IL1B: variants seen among roughly 807,000 people sequenced by gnomAD.
The protein encoded by IL1B is interleukin-1 beta.
IL1B carries 11 observed loss-of-function variants against 26.2 expected under a neutral mutation model. That is an observed-to-expected ratio of 0.42 (90% confidence interval 0.26 to 0.70). The LOEUF (loss-of-function observed/expected upper bound fraction) is 0.70, where lower values mean the gene tolerates loss of function less well. Ranked by LOEUF, IL1B falls within the 30% of genes least tolerant of loss-of-function variation. The pLI is 0.25. For synonymous variants in IL1B, 118 were observed against 120.8 expected, an observed-to-expected ratio of 0.98 and a Z score of 0.15; for missense variants, 255 against 327.5, an observed-to-expected ratio of 0.78 and a Z score of 1.71.
chr2:112,833,014 G>C (rs1037285782), intron 4 of IL1B, 188 bp from the exon 5 acceptor site: 8 of 660,964 alleles, frequency 1.2e-5, no homozygotes, highest in Middle Eastern at 8.0e-4. Flanking sequence ...ATTAGACATG[G>C]GTTCCAGCTT....
chr2:112,832,619 C>G (rs1177379192), intron 5 of IL1B, 43 bp downstream of exon 5: 7 of 1,597,780 alleles, frequency 4.4e-6, no homozygotes, highest in African/African-American at 1.3e-5. Context: ...AATTAGCAAG[C>G]TGCCAGGAGG....
At position 112,832,758 on chromosome 2, in the gene IL1B, A is replaced by T. The variant is rs1351554504; in HGVS notation, c.370T>A (p.Cys124Ser). The part of the protein sequence containing the change: ...VHDAPVRSLN[C>S]TLRDSQQKSL... ...TTTTGCTGTGAGTCCCGGAGCGTGC[A>T]GTTCAGTGATCGTACAGGTGCATCG... Residue 124 changes from cysteine to serine, a missense_variant, in exon 5 of 7, where the codon TGC (cysteine) becomes AGC (serine). Physicochemically the swap from Cys to Ser is moderately radical, Grantham distance 112. Coordinates refer to ENST00000263341, the MANE Select transcript of IL1B (RefSeq NM_000576.3). 6.2e-7 allele frequency: 1 copy of T among 1,614,208 alleles called. No homozygotes were observed. The highest frequency in any genetic ancestry group is 8.5e-7 in the Non-Finnish European group (1 of 1,180,036).
chr2:112,832,365 T>A (rs1044699969), intron 5 of IL1B, among the ~76,000 whole-genome samples: 3 of 152,082 alleles, frequency 2.0e-5, no homozygotes, highest in Non-Finnish European at 4.4e-5. Context: ...GTCCATCAAA[T>A]GACCCCATAT....
chr2:112,830,607 G>T, intron 6 of IL1B, 34 bp from the exon 7 acceptor site: 2 of 1,452,734 alleles, frequency 1.4e-6, no homozygotes, highest in Non-Finnish European at 1.9e-6. Flanking sequence ...TTTTTGTGGG[G>T]CAAGGGACAA....
At chr2:112,834,899 A>T (rs1227081653) in intron 3 of IL1B, among the ~76,000 whole-genome samples, 3 of 152,200 alleles carry the variant, frequency 2.0e-5, no homozygotes, top group African/African-American at 7.2e-5. Context: ...CTTTGTAAGG[A>T]TGAGTCTGAA....
At position 112,833,534 on chromosome 2, in the gene IL1B, G is replaced by T. The variant is rs143589371; in HGVS notation, c.141C>A (p.Gly47=). ...GGTGGTCGGAGATTCGTAGCTGGAT[G>T]CCGCCATCCAGAGGGCAGAGGTCCA... ...QDLDLCPLDG[G]IQLRISDHHY... The change falls in exon 4 of 7, where the codon GGC becomes GGA. Residue 47 remains glycine, a synonymous_variant. Coordinates refer to ENST00000263341, the MANE Select transcript of IL1B (RefSeq NM_000576.3). 7 of 1,614,000 alleles carry T rather than the reference G, an allele frequency of 4.3e-6. No individual in the cohort carries two copies. In the African/African-American group the frequency reaches 9.3e-5, roughly 22 times the overall value.
Position 112,832,710 on chromosome 2 carries a change from A to G in IL1B, c.418T>C (p.Tyr140His). ...QQKSLVMSGP[Y>H]ELKALHLQGQ... ...TGGAGGTGGAGAGCTTTCAGTTCATATGGACCAGACATCACCAAGCTTTTT... is the reference window on the plus strand; with the variant it reads ...TGGAGGTGGAGAGCTTTCAGTTCATGTGGACCAGACATCACCAAGCTTTTT... Residue 140 changes from tyrosine (Y) to histidine (H), a missense_variant, in exon 5 of 7, where the codon TAT (tyrosine) becomes CAT (histidine). Tyr to His is a moderately conservative substitution (Grantham distance 83). Coordinates refer to ENST00000263341, the MANE Select transcript of IL1B (RefSeq NM_000576.3). 1.2e-6 allele frequency: 2 copies of G among 1,614,198 alleles called. No homozygotes were observed. The highest frequency in any genetic ancestry group is 1.7e-6 in the Non-Finnish European group (2 of 1,180,026).
At chr2:112,832,535 CT>C in intron 5 of IL1B, 126 bp downstream of exon 5, 1 of 1,050,152 alleles carries the variant, frequency 9.5e-7, no homozygotes, top group Non-Finnish European at 1.5e-6. Context: ...TTGTATATTC[CT>C]TTTTAATATT....
chr2:112,830,793 A>T (rs1412706729), intron 6 of IL1B, among the ~76,000 whole-genome samples: 1 of 152,012 alleles, frequency 6.6e-6, no homozygotes, highest in East Asian at 1.9e-4. Flanking sequence ...AGCATAATGT[A>T]GGTGAGAATT....
chr2:112,836,155 T>C, intron 2 of IL1B, 28 bp downstream of exon 2: 2 of 1,607,224 alleles, frequency 1.2e-6, no homozygotes, highest in African/African-American at 1.3e-5. Context: ...GACCTGCTCA[T>C]GTTACTGGTC....
chr2:112,836,283 G>A lies in IL1B; in HGVS notation c.-15-39C>T. On this transcript the variant is annotated intron_variant, in intron 1 of 6. Transcript: ENST00000263341. ...AGAAAATGAGTGACTTCCCCATGAC[G>A]GCTACGTTCATGTGTGATTTCTCTC... The A allele has an allele frequency of 9.0e-6, 13 of 1,448,670 alleles. No individual in the cohort carries two copies. The South Asian group carries it at 9.1e-5, about 10-fold the overall frequency. 89.7% of individuals were successfully genotyped at this position (1,448,670 alleles called of 1,614,324 possible). A position where few individuals can be genotyped will look rare whatever the true frequency, so the allele number is the denominator to read the frequency against.
chr2:112,832,445 G>A (rs754832185), intron 5 of IL1B, among the ~76,000 whole-genome samples: 17 of 152,132 alleles, frequency 1.1e-4, no homozygotes, highest in East Asian at 3.8e-4. Flanking sequence ...TGCTTGAGCC[G>A]TCTAATTTCT....
intron 3 of IL1B, among the ~76,000 whole-genome samples, chr2:112,834,535 A>G (rs1163537528): frequency 6.6e-6 from 1 of 152,212 alleles, no homozygotes; most frequent in East Asian, 1.9e-4. Flanking sequence ...GAGACCTGTA[A>G]GTGCACAAAA....
At position 112,830,289 on chromosome 2, in the gene IL1B, T is replaced by C. The variant is rs1157136977; in HGVS notation, c.*72A>G. 2 of 1,333,068 alleles carry C rather than the reference T, an allele frequency of 1.5e-6. No individual in the cohort carries two copies. The highest frequency in any genetic ancestry group is 2.9e-5 in the African/African-American group (2 of 69,400). The allele number at this position is 1,333,068 out of a possible 1,614,324, so 82.6% of individuals were successfully genotyped here. On this transcript the variant is annotated 3_prime_UTR_variant, in exon 7 of 7. Coordinates refer to ENST00000263341, the MANE Select transcript of IL1B (RefSeq NM_000576.3). ...AGGCTATAGCCGTACTCAAAAACCTTTCTGTTCCCTTTCTGCCAGCCCTAG... is the reference window on the plus strand; with the variant it reads ...AGGCTATAGCCGTACTCAAAAACCTCTCTGTTCCCTTTCTGCCAGCCCTAG...
intron 6 of IL1B, 167 bp downstream of exon 6, chr2:112,831,125 G>A (rs1681979759): frequency 1.4e-6 from 1 of 728,282 alleles, no homozygotes; most frequent in Non-Finnish European, 2.4e-6. Flanking sequence ...AGGATTGAAG[G>A]TTGCACGCAG....
chr2:112,833,656 A>C, intron 3 of IL1B, 81 bp from the exon 4 acceptor site: 16 of 1,308,330 alleles, frequency 1.2e-5, no homozygotes, highest in Non-Finnish European at 1.5e-5. Context: ...TAGAAAGCTC[A>C]GAGAGGAGGA....
intron 5 of IL1B, 41 bp downstream of exon 5, chr2:112,832,621 G>A (rs751922568): frequency 1.2e-6 from 2 of 1,601,110 alleles, no homozygotes; most frequent in Non-Finnish European, 1.7e-6. Flanking sequence ...TTAGCAAGCT[G>A]CCAGGAGGCC....
At chr2:112,836,144 A>T in intron 2 of IL1B, 39 bp downstream of exon 2, 1 of 1,598,724 alleles carries the variant, frequency 6.3e-7, no homozygotes, top group Non-Finnish European at 8.6e-7. Context: ...TTGAAAGAGG[A>T]GACCTGCTCA....
Position 112,833,480 on chromosome 2 carries a change from C to T in IL1B, c.195G>A (p.Ala65=), listed in dbSNP as rs780676196. 10 of 1,614,080 alleles carry T rather than the reference C, an allele frequency of 6.2e-6. No homozygotes were observed. Among genetic ancestry groups the T allele is most frequent in the African/African-American group, 5.3e-5 (4 of 74,920 alleles). The change falls in exon 4 of 7, where the codon GCG becomes GCA. Residue 65 remains alanine (A), a synonymous_variant. Coordinates refer to ENST00000263341, the MANE Select transcript of IL1B (RefSeq NM_000576.3). The part of the protein sequence containing the change: ...HHYSKGFRQA[A]SVVVAMDKLR... Reference sequence around the variant, plus strand: ...GCTTGTCCATGGCCACAACAACTGACGCGGCCTGCCTGAAGCCCTTGCTGT... The same window carrying T: ...GCTTGTCCATGGCCACAACAACTGATGCGGCCTGCCTGAAGCCCTTGCTGT...
Sources: gnomAD v4.1 joint callset for allele counts (sites outside exome capture counted in the v4.1 genomes callset) on GRCh38, gnomAD v4.1.1 for gene constraint, MANE v1.5 for transcripts, NCBI Gene and HGNC (gene_info 2026-07-23, HGNC 2026-07-21) for gene names.